Variants in NUBPL observed in about 807,000 individuals in gnomAD.
The protein encoded by NUBPL is NUBP iron-sulfur cluster assembly factor, mitochondrial.
Under a neutral mutation model 45.7 loss-of-function variants are expected in NUBPL, and 31 were observed. The ratio of observed to expected loss-of-function variants is 0.68; its 90% CI spans 0.51 to 0.92. The LOEUF is 0.92. Among genes scored for constraint, NUBPL ranks in the 40% least tolerant of loss-of-function variants. The pLI, the probability that NUBPL is intolerant of heterozygous loss-of-function variation, is 0.00. For synonymous variants in NUBPL, 144 were observed against 140.9 expected, an observed-to-expected ratio of 1.02 and a Z score of -0.15; for missense variants, 401 against 398.7, an observed-to-expected ratio of 1.01 and a Z score of -0.05.
intron 3 of NUBPL, among the ~76,000 whole-genome samples, chr14:31,576,824 C>A (rs963334340): frequency 6.6e-6 from 1 of 152,190 alleles, no homozygotes. Flanking sequence ...TTTTCACTCA[C>A]AAGTTTGGTA....
At chr14:31,618,126 T>G (rs1461089909) in intron 4 of NUBPL, among the ~76,000 whole-genome samples, 1 of 152,218 alleles carries the variant, frequency 6.6e-6, no homozygotes, top group Non-Finnish European at 1.5e-5. Flanking sequence ...TGATATTTCC[T>G]TTATCTTTTT....
At chr14:31,844,103 C>G (rs1218062907) in intron 8 of NUBPL, 2 of 152,164 alleles carry the variant, frequency 1.3e-5, no homozygotes, top group African/African-American at 4.8e-5. Context: ...GATATTTATA[C>G]AGTCCATAGA....
chr14:31,786,670 G>T (rs561128634), intron 6 of NUBPL, among the ~76,000 whole-genome samples: 2 of 152,334 alleles, frequency 1.3e-5, no homozygotes, highest in East Asian at 3.9e-4. Context: ...TTGGGCAAAT[G>T]AATGAACAGG....
At chr14:31,648,587 G>C (rs79017844) in intron 4 of NUBPL, among the ~76,000 whole-genome samples, 221 of 152,308 alleles carry the variant, frequency 1.5e-3, no homozygotes, top group Middle Eastern at 0.014. Context: ...AAACCTTTCA[G>C]ACATATCAGA....
chr14:31,607,787 A>T (rs1196978607), intron 4 of NUBPL, among the ~76,000 whole-genome samples: 1 of 152,164 alleles, frequency 6.6e-6, no homozygotes, highest in Non-Finnish European at 1.5e-5. Flanking sequence ...GGCCTTAAAG[A>T]AGAGGGAAAA....
At chr14:31,832,250 G>A (rs989358840) in intron 8 of NUBPL, among the ~76,000 whole-genome samples, 2 of 152,130 alleles carry the variant, frequency 1.3e-5, no homozygotes, top group Non-Finnish European at 1.5e-5. Context: ...CATGGTGTAG[G>A]TGATAGGCAG....
intron 6 of NUBPL, among the ~76,000 whole-genome samples, chr14:31,750,334 C>G (rs2038496525): frequency 7.6e-6 from 1 of 131,344 alleles, no homozygotes; most frequent in African/African-American, 2.6e-5. Context: ...CACCACCACG[C>G]CCGGCTAATT....
intron 6 of NUBPL, among the ~76,000 whole-genome samples, chr14:31,758,031 C>T (rs952193534): frequency 6.6e-6 from 1 of 152,108 alleles, no homozygotes; most frequent in Non-Finnish European, 1.5e-5. Context: ...TCTTAAATGT[C>T]ATCTCAGAAG....
intron 4 of NUBPL, among the ~76,000 whole-genome samples, chr14:31,622,734 G>T (rs866580682): frequency 6.6e-6 from 1 of 152,250 alleles, no homozygotes. Flanking sequence ...GCTCTGGGAA[G>T]CTCTGCCTTG....
chr14:31,773,811 G>A (rs953915389), intron 6 of NUBPL, among the ~76,000 whole-genome samples: 1 of 152,146 alleles, frequency 6.6e-6, no homozygotes, highest in Non-Finnish European at 1.5e-5. Context: ...CAGATACAAG[G>A]ACACTATCTT....
At chr14:31,708,523 C>A (rs558466473) in intron 6 of NUBPL, among the ~76,000 whole-genome samples, 2 of 152,288 alleles carry the variant, frequency 1.3e-5, no homozygotes, top group South Asian at 4.1e-4. Flanking sequence ...TCAGGCATAA[C>A]AAGAAAGGCA....
intron 4 of NUBPL, among the ~76,000 whole-genome samples, chr14:31,623,393 CA>C (rs894702277): frequency 3.2e-4 from 48 of 152,222 alleles, no homozygotes; most frequent in South Asian, 2.9e-3. Context: ...GTTAGGAAGG[CA>C]TGATTGGTTT....
intron 4 of NUBPL, among the ~76,000 whole-genome samples, chr14:31,655,924 T>C (rs954339774): frequency 1.3e-5 from 2 of 152,222 alleles, no homozygotes; most frequent in Non-Finnish European, 2.9e-5. Flanking sequence ...TTAACTTTTT[T>C]CCCCTAGCTG....
intron 4 of NUBPL, among the ~76,000 whole-genome samples, chr14:31,614,348 A>C (rs2034840775): frequency 6.6e-6 from 1 of 152,192 alleles, no homozygotes; most frequent in Non-Finnish European, 1.5e-5. Context: ...AATAATCAGA[A>C]AGTACTGAGT....
intron 4 of NUBPL, among the ~76,000 whole-genome samples, chr14:31,645,726 G>C (rs1234456106): frequency 2.1e-5 from 3 of 144,674 alleles, no homozygotes; most frequent in East Asian, 4.2e-4. Context: ...AGATCACAAA[G>C]AAATAATAGA....
At chr14:31,838,298 A>AAAG (rs2040316442) in intron 8 of NUBPL, among the ~76,000 whole-genome samples, 1 of 72,952 alleles carries the variant, frequency 1.4e-5, no homozygotes, top group Non-Finnish European at 3.9e-5. Flanking sequence ...AAAAAAAAAA[A>AAAG]AGAGAGAGAC....
At chr14:31,824,376 C>T (rs1321388219) in intron 7 of NUBPL, among the ~76,000 whole-genome samples, 1 of 152,046 alleles carries the variant, frequency 6.6e-6, no homozygotes, top group Admixed American at 6.6e-5. Context: ...AGATAATCTT[C>T]CCGCACCCCA....
Position 31,859,123 on chromosome 14 carries a change from A to G in NUBPL, c.903A>G (p.Lys301=). The G allele has an allele frequency of 2.5e-6, 4 of 1,613,798 alleles. No individual in the cohort carries two copies. The highest frequency in any genetic ancestry group is 3.4e-6 in the Non-Finnish European group (4 of 1,179,798). The change falls in exon 11 of 11, where the codon AAA becomes AAG. Residue 301 remains lysine (K), a synonymous_variant. Transcript: ENST00000281081. The part of the protein sequence containing the change: ...VFSQPESDEA[K]AYLRIAVEVV... ...ATAAGTTTGTTCTTTTCCAGGCCAA[A>G]GCTTACTTGAGGATTGCTGTGGAAG...
intron 7 of NUBPL, among the ~76,000 whole-genome samples, chr14:31,814,894 G>A (rs57891608): frequency 1 from 151,822 of 152,264 alleles, 75,693 homozygotes; most frequent in Middle Eastern, 1. Context: ...TCATTGGTCT[G>A]TATCTCTGTT....
Sources: allele counts gnomAD v4.1 joint callset (sites outside exome capture counted in the v4.1 genomes callset), GRCh38; gene constraint gnomAD v4.1.1; transcripts MANE v1.5; gene names NCBI Gene and HGNC (gene_info 2026-07-23, HGNC 2026-07-21).